The following ARHGAP29 variants were observed in gnomAD, a reference collection of about 807,000 sequenced individuals.
ARHGAP29 encodes the protein rho GTPase-activating protein 29.
ARHGAP29 carries 43 observed loss-of-function variants against 122.6 expected under a neutral mutation model. The observed-to-expected ratio is 0.35, with a 90% CI of 0.27 to 0.45. The LOEUF (loss-of-function observed/expected upper bound fraction) is 0.45. Ranked by LOEUF, ARHGAP29 falls within the 20% of genes least tolerant of loss-of-function variation. The probability of loss-of-function intolerance (pLI) is 1.00; values close to 1 mark genes in which losing one functional copy is unlikely to be tolerated. For missense variants in ARHGAP29, 1,303 were observed against 1,477.2 expected (o/e 0.88, Z 1.93); for synonymous variants, 506 against 497.1 (o/e 1.02, Z -0.24).
intron 19 of ARHGAP29, among the ~76,000 whole-genome samples, chr1:94,181,501 C>T (rs549688615): frequency 6.6e-6 from 1 of 152,120 alleles, no homozygotes; most frequent in African/African-American, 2.4e-5. Context: ...TTGGCTCTTA[C>T]AGGACTGGTA....
the ARHGAP29 span, among the ~76,000 whole-genome samples, chr1:94,308,739 C>A: frequency 2.0e-5 from 3 of 152,200 alleles, no homozygotes; most frequent in South Asian, 2.1e-4. Flanking sequence ...TCCTCCTACA[C>A]CTTCTACCTT....
chr1:94,240,078 AGT>A (rs1653518821), upstream of ARHGAP29, among the ~76,000 whole-genome samples: 1 of 152,062 alleles, frequency 6.6e-6, no homozygotes, highest in African/African-American at 2.4e-5. Flanking sequence ...AAGGAAGCAA[AGT>A]CTGTCCCTCA....
rs763618354 is a variant in ARHGAP29 at position 94,169,005 on chromosome 1, TAC to T, written c.*4862_*4863del. Among the ~76,000 whole-genome samples, 4 of 152,218 alleles carry T rather than the reference TAC, an allele frequency of 2.6e-5. No homozygotes were observed. Among genetic ancestry groups the T allele is most frequent in the Non-Finnish European group, 5.9e-5 (4 of 68,036 alleles). On this transcript the variant is annotated 3_prime_UTR_variant, in exon 23 of 23. Coordinates refer to ENST00000260526, the MANE Select transcript of ARHGAP29 (RefSeq NM_004815.4). ...GTGAGGACACTTAAAAATAGCATGATACAGTTATTGTAGGAAGTATTAATATT... is the reference window on the plus strand; with the variant it reads ...GTGAGGACACTTAAAAATAGCATGATAGTTATTGTAGGAAGTATTAATATT...
At chr1:94,245,479 A>G (rs1462865339) in intron 1 of ARHGAP29, among the ~76,000 whole-genome samples, 1 of 152,222 alleles carries the variant, frequency 6.6e-6, no homozygotes, top group African/African-American at 2.4e-5. Context: ...CACACACTGT[A>G]TATCTTTGGT....
chr1:94,312,468 G>A, the ARHGAP29 span, among the ~76,000 whole-genome samples: 6 of 132,376 alleles, frequency 4.5e-5, no homozygotes, highest in Non-Finnish European at 9.2e-5. Context: ...GTCTCACTCT[G>A]TTGCTCAGGC....
At chr1:94,306,284 C>T in the ARHGAP29 span, among the ~76,000 whole-genome samples, 1 of 152,126 alleles carries the variant, frequency 6.6e-6, no homozygotes, top group Non-Finnish European at 1.5e-5. Flanking sequence ...CGTTCTTTCC[C>T]CAGGTTGAAG....
At chr1:94,289,678 T>C in the ARHGAP29 span, among the ~76,000 whole-genome samples, 8 of 152,272 alleles carry the variant, frequency 5.3e-5, 1 homozygote, top group South Asian at 1.7e-3. Flanking sequence ...CAATAACTAG[T>C]TTATTGAGAG....
chr1:94,273,985 G>T lies in ARHGAP29; in HGVS notation c.-33+1027C>A, dbSNP rs1277258209. On this transcript the variant is annotated intron_variant and NMD_transcript_variant, in intron 1 of 25. Transcript: ENST00000552844. Reference sequence around the variant, plus strand: ...TAATAGTTACTGAACACCTAGTATGGGCAGGTTTATAGAGATTATCCCATT... The same window carrying T: ...TAATAGTTACTGAACACCTAGTATGTGCAGGTTTATAGAGATTATCCCATT... Among the ~76,000 whole-genome samples the T allele has an allele frequency of 8.5e-5, 13 of 152,070 alleles. No individual in the cohort carries two copies. The East Asian group carries it at 1.7e-3, about 20-fold the overall frequency.
chr1:94,238,255 TTCGCTA>T (rs1323805697), upstream of ARHGAP29, among the ~76,000 whole-genome samples: 1 of 151,718 alleles, frequency 6.6e-6, no homozygotes, highest in East Asian at 1.9e-4. Context: ...GAGGCAGGGT[TTCGCTA>T]TGTTGGCCAA....
At position 94,202,631 on chromosome 1, in the gene ARHGAP29, C is replaced by T. The variant is rs773781092; in HGVS notation, c.1056G>A (p.Glu352=). The T allele has an allele frequency of 1.2e-6, 2 of 1,614,204 alleles. No homozygotes were observed. The highest frequency in any genetic ancestry group is 8.5e-7 in the Non-Finnish European group (1 of 1,180,036). ...CTAATCCGCCACTTGAAGACAGATG[C>T]TCCTCTTCTGCACGAAACATGGAAG... is the stretch of plus-strand genomic sequence containing the variant. ...AKSSMFRAEE[E]HLSSSGGLAK... The change falls in exon 11 of 23, where the codon GAG becomes GAA. Residue 352 remains glutamate (E), a synonymous_variant. Coordinates refer to ENST00000260526, the MANE Select transcript of ARHGAP29 (RefSeq NM_004815.4).
intron 1 of ARHGAP29, among the ~76,000 whole-genome samples, chr1:94,256,443 T>A (rs1255618572): frequency 6.6e-6 from 1 of 151,374 alleles, no homozygotes; most frequent in African/African-American, 2.4e-5. Context: ...GGGTCAGAAT[T>A]TCTTAAGAAT....
At chr1:94,214,068 C>T (rs1271814562) in intron 3 of ARHGAP29, among the ~76,000 whole-genome samples, 2 of 152,288 alleles carry the variant, frequency 1.3e-5, no homozygotes, top group East Asian at 3.9e-4. Context: ...GTAATATATA[C>T]TGATAAAAGG....
At position 94,268,443 on chromosome 1, in the gene ARHGAP29, T is replaced by C. The variant is rs974652757; in HGVS notation, c.-33+6569A>G. Among the ~76,000 whole-genome samples, 5 of 152,110 alleles carry C rather than the reference T, an allele frequency of 3.3e-5. No individual in the cohort carries two copies. The East Asian group carries it at 7.7e-4, about 23-fold the overall frequency. On this transcript the variant is annotated intron_variant and NMD_transcript_variant, in intron 1 of 25. Coordinates refer to the ARHGAP29 transcript ENST00000552844. ...CACATTGGCATCCCTGAACCCACTT[T>C]ATTCTGCTCAATTTTTTTTCTACAG...
In ARHGAP29 at chr1:94,169,624, G is replaced by A. The variant is rs759459232; in HGVS notation, c.*4245C>T. Among the ~76,000 whole-genome samples, 11 of 152,218 alleles carry A rather than the reference G, an allele frequency of 7.2e-5. No homozygotes were observed. The highest frequency in any genetic ancestry group is 4.4e-5 in the Non-Finnish European group (3 of 68,038). ...TAGAAGTAGGTGACTATTCTTGAAT[G>A]TGTGTAGACACACGTTTTCCTTTGA... On this transcript the variant is annotated 3_prime_UTR_variant, in exon 23 of 23. Transcript: ENST00000260526.
rs1650867584 is a variant in ARHGAP29 at position 94,201,788 on chromosome 1, T to C, written c.1213A>G (p.Asn405Asp). Reference protein sequence around the residue: ...NVEERRNDLENTKREILAQLR... With the variant: ...NVEERRNDLEDTKREILAQLR... The stretch of plus-strand genomic sequence containing the variant: ...TGTGCTAAAATTTCTCTTTTGGTAT[T>C]TTCTAGATCATTTCTTCTTTCTTCA... Residue 405 changes from asparagine to aspartate, a missense_variant, in exon 12 of 23, where the codon AAT becomes GAT. Transcript: ENST00000260526. 1.2e-6 allele frequency: 2 copies of C among 1,613,974 alleles called. No individual in the cohort carries two copies. The highest frequency in any genetic ancestry group is 1.7e-6 in the Non-Finnish European group (2 of 1,179,958).
At chr1:94,211,028 T>C (rs1651567198) in intron 3 of ARHGAP29, among the ~76,000 whole-genome samples, 1 of 152,000 alleles carries the variant, frequency 6.6e-6, no homozygotes, top group African/African-American at 2.4e-5. Context: ...CTCATGCCTG[T>C]AATCCCAGCA....
In ARHGAP29 at chr1:94,189,371, CA is replaced by C; in HGVS notation, c.1440-20del. ...TACATTTCTGAAACAACAACAATGA[CA>C]AAAAACAAAACTCAACACTCCAAAG... On this transcript the variant is annotated intron_variant, in intron 13 of 22. Coordinates refer to ENST00000260526, the MANE Select transcript of ARHGAP29 (RefSeq NM_004815.4). 6.3e-7 allele frequency: 1 copy of C among 1,591,248 alleles called. No individual in the cohort carries two copies.
chr1:94,191,052 G>C (rs1238453987), intron 12 of ARHGAP29: 2 of 152,120 alleles, frequency 1.3e-5, no homozygotes, highest in Non-Finnish European at 2.9e-5. Context: ...ATGTGAATGC[G>C]AAAGAGCTTG....
intron 2 of ARHGAP29, among the ~76,000 whole-genome samples, chr1:94,224,290 T>C (rs1487016499): frequency 6.6e-6 from 1 of 152,186 alleles, no homozygotes; most frequent in Non-Finnish European, 1.5e-5. Context: ...ACCTAATAAA[T>C]GTTAGTCTTA....
Sources: allele counts gnomAD v4.1 joint callset (sites outside exome capture counted in the v4.1 genomes callset), GRCh38; gene constraint gnomAD v4.1.1; transcripts MANE v1.5; gene names NCBI Gene and HGNC (gene_info 2026-07-23, HGNC 2026-07-21).